CAMTA1: variants seen among roughly 807,000 people sequenced by gnomAD.
The protein encoded by CAMTA1 is calmodulin binding transcription activator 1.
CAMTA1 carries 27 observed loss-of-function variants against 170.9 expected under a neutral mutation model. The ratio of observed to expected loss-of-function variants is 0.16; its 90% CI spans 0.12 to 0.22. The LOEUF is 0.22. Among genes scored for constraint, CAMTA1 ranks in the 10% least tolerant of loss-of-function variants. The pLI is 1.00. For synonymous variants in CAMTA1, 833 were observed against 891.5 expected, an observed-to-expected ratio of 0.93 and a Z score of 1.17; for missense variants, 1,619 against 2,217.2, an observed-to-expected ratio of 0.73 and a Z score of 5.42.
At chr1:6,958,193 C>T (rs927821975) in intron 3 of CAMTA1, among the ~76,000 whole-genome samples, 4 of 152,168 alleles carry the variant, frequency 2.6e-5, no homozygotes, top group African/African-American at 9.7e-5. Context: ...TTCCCCTAGG[C>T]CCCTCCCTGG....
intron 6 of CAMTA1, among the ~76,000 whole-genome samples, chr1:7,513,834 A>G (rs1228889591): frequency 6.6e-6 from 1 of 152,194 alleles, no homozygotes; most frequent in Non-Finnish European, 1.5e-5. Flanking sequence ...AGGCGGGAGA[A>G]TCACTTGAAC....
chr1:7,318,286 C>G lies in CAMTA1; in HGVS notation c.438+68660C>G, dbSNP rs1029609289. 5.9e-5 allele frequency among the ~76,000 whole-genome samples: 9 copies of G among 152,322 alleles called. No individual in the cohort carries two copies. The South Asian group carries it at 1.9e-3, about 32-fold the overall frequency. The stretch of plus-strand genomic sequence containing the variant: ...ATTTTCTGAATTTCAGGCATTGGGT[C>G]AGCCCGTAAAGGCTTCCCTGGGGTA... On this transcript the variant is annotated intron_variant, in intron 5 of 22. Transcript: ENST00000303635.
chr1:6,981,799 A>G lies in CAMTA1; in HGVS notation c.235-109505A>G, dbSNP rs144225956. 4.6e-4 allele frequency among the ~76,000 whole-genome samples: 70 copies of G among 151,640 alleles called. No individual in the cohort carries two copies. In the East Asian group the frequency reaches 0.013, roughly 28 times the overall value. On this transcript the variant is annotated intron_variant, in intron 3 of 22. Coordinates refer to ENST00000303635, the MANE Select transcript of CAMTA1 (RefSeq NM_015215.4). Reference sequence around the variant, plus strand: ...GGCTGGAGTGCAGTGGTGCAATCACAGCTTGCTGCAGTGCTGACTCCTGGG... The same window carrying G: ...GGCTGGAGTGCAGTGGTGCAATCACGGCTTGCTGCAGTGCTGACTCCTGGG...
intron 6 of CAMTA1, among the ~76,000 whole-genome samples, chr1:7,536,726 C>G (rs943386848): frequency 6.6e-6 from 1 of 152,166 alleles, no homozygotes; most frequent in African/African-American, 2.4e-5. Flanking sequence ...GCACGGCAGG[C>G]GCGACGCTCA....
At chr1:7,026,416 G>C (rs958037055) in intron 3 of CAMTA1, among the ~76,000 whole-genome samples, 1 of 152,068 alleles carries the variant, frequency 6.6e-6, no homozygotes, top group Admixed American at 6.5e-5. Context: ...TGGCAGCCCC[G>C]GTGGGAGAAG....
intron 6 of CAMTA1, among the ~76,000 whole-genome samples, chr1:7,566,595 C>T (rs1233651507): frequency 6.6e-6 from 1 of 152,152 alleles, no homozygotes; most frequent in Non-Finnish European, 1.5e-5. Context: ...ATCACATGAC[C>T]ATGGCTTTGC....
chr1:7,287,876 G>A lies in CAMTA1; in HGVS notation c.438+38250G>A, dbSNP rs1423743391. Among the ~76,000 whole-genome samples the A allele has an allele frequency of 2.6e-5, 4 of 152,160 alleles. No homozygotes were observed. The East Asian group carries it at 7.7e-4, about 29-fold the overall frequency. Reference sequence around the variant, plus strand: ...AGAGTGAAGGTGTTGTAGCAGCCAGGCCTGGAAGTGGCATACATCAATTTT... The same window carrying A: ...AGAGTGAAGGTGTTGTAGCAGCCAGACCTGGAAGTGGCATACATCAATTTT... On this transcript the variant is annotated intron_variant, in intron 5 of 22. Coordinates refer to ENST00000303635, the MANE Select transcript of CAMTA1 (RefSeq NM_015215.4).
chr1:7,059,905 T>G (rs1707946290), intron 3 of CAMTA1, among the ~76,000 whole-genome samples: 2 of 152,108 alleles, frequency 1.3e-5, no homozygotes, highest in African/African-American at 4.8e-5. Context: ...TACCCTTGTT[T>G]AGAGAGGAGC....
intron 4 of CAMTA1, among the ~76,000 whole-genome samples, chr1:7,165,392 C>T (rs1201086033): frequency 6.6e-6 from 1 of 152,094 alleles, no homozygotes; most frequent in Non-Finnish European, 1.5e-5. Flanking sequence ...ATTTCCTTCC[C>T]TCTGGCCCCA....
chr1:7,169,793 T>C (rs1034699016), intron 4 of CAMTA1, among the ~76,000 whole-genome samples: 12 of 152,228 alleles, frequency 7.9e-5, no homozygotes, highest in African/African-American at 2.9e-4. Flanking sequence ...TCTCAAAGTG[T>C]TGGAATTACA....
intron 5 of CAMTA1, among the ~76,000 whole-genome samples, chr1:7,346,679 A>G (rs1025427506): frequency 6.6e-6 from 1 of 152,178 alleles, no homozygotes; most frequent in Admixed American, 6.5e-5. Context: ...GGTAGGCTTA[A>G]TCTAAGGGGA....
intron 3 of CAMTA1, chr1:7,008,621 A>G (rs1699351785): frequency 6.6e-6 from 1 of 152,204 alleles, no homozygotes; most frequent in Non-Finnish European, 1.5e-5. Flanking sequence ...CTAGATGAAT[A>G]GAACTTTCAC....
intron 11 of CAMTA1, among the ~76,000 whole-genome samples, chr1:7,708,458 A>C (rs2096543795): frequency 6.6e-6 from 1 of 152,176 alleles, no homozygotes. Flanking sequence ...TGATCATGCC[A>C]CTGCTATGCA....
intron 5 of CAMTA1, among the ~76,000 whole-genome samples, chr1:7,364,222 G>A (rs11811393): frequency 0.02 from 3,054 of 152,270 alleles, 104 homozygotes; most frequent in African/African-American, 0.07. Flanking sequence ...TGCAGGCAGC[G>A]AGACCAGCGA....
chr1:7,038,913 G>A (rs756916689), intron 3 of CAMTA1, among the ~76,000 whole-genome samples: 2 of 152,016 alleles, frequency 1.3e-5, no homozygotes, highest in East Asian at 1.9e-4. Context: ...AGTGGCAGGC[G>A]CCTGTAATCC....
intron 5 of CAMTA1, among the ~76,000 whole-genome samples, chr1:7,413,685 A>T (rs1038288808): frequency 1.3e-5 from 2 of 152,168 alleles, no homozygotes; most frequent in Non-Finnish European, 2.9e-5. Flanking sequence ...CTAGATATAC[A>T]ATCATGTCAT....
At chr1:7,244,109 A>G (rs1203589780) in intron 4 of CAMTA1, among the ~76,000 whole-genome samples, 1 of 152,250 alleles carries the variant, frequency 6.6e-6, no homozygotes, top group Non-Finnish European at 1.5e-5. Context: ...TCAAAAGAAG[A>G]CATTTATGCA....
intron 4 of CAMTA1, among the ~76,000 whole-genome samples, chr1:7,197,772 G>A (rs369297378): frequency 6.6e-6 from 1 of 152,000 alleles, no homozygotes; most frequent in Admixed American, 6.6e-5. Flanking sequence ...GAAAGACTCC[G>A]AGAGGGTGGA....
In CAMTA1 at chr1:7,664,369, A is replaced by T; in HGVS notation, c.1822A>T (p.Ile608Phe). 1 of 1,613,612 alleles carries T rather than the reference A, an allele frequency of 6.2e-7. No individual in the cohort carries two copies. Among genetic ancestry groups the T allele is most frequent in the Non-Finnish European group, 8.5e-7 (1 of 1,179,986 alleles). ...SFSQTGHSPHIHQTPSPSFFL... is the reference protein window; with the variant it reads ...SFSQTGHSPHFHQTPSPSFFL... ...CAGCCAGACGGGCCACAGCCCCCAC[A>T]TCCACCAGACCCCCTCCCCGAGCTT... The change falls in exon 9 of 23, where the codon ATC becomes TTC. Residue 608 changes from isoleucine to phenylalanine, a missense_variant. This residue lies in a region of CAMTA1 where 731 missense variants were observed against 907.6 expected (regional missense o/e 0.81). Coordinates refer to ENST00000303635, the MANE Select transcript of CAMTA1 (RefSeq NM_015215.4).
Sources: gnomAD v4.1 joint callset for allele counts (sites outside exome capture counted in the v4.1 genomes callset) on GRCh38, gnomAD v4.1.1 for gene constraint, gnomAD v4.1.1 regional missense constraint, MANE v1.5 for transcripts, NCBI Gene and HGNC (gene_info 2026-07-23, HGNC 2026-07-21) for gene names.